Variants in PCDHGA4 observed in about 807,000 individuals in gnomAD.
PCDHGA4 encodes protocadherin gamma subfamily A, 4.
Under a neutral mutation model 54.6 loss-of-function variants are expected in PCDHGA4, and 38 were observed. The ratio of observed to expected loss-of-function variants is 0.70; its 90% CI spans 0.54 to 0.91. The LOEUF (loss-of-function observed/expected upper bound fraction) is 0.91. Ranked by LOEUF, PCDHGA4 falls within the 40% of genes least tolerant of loss-of-function variation. PCDHGA4 has a pLI of 0.00. For synonymous variants in PCDHGA4, 511 were observed against 512.9 expected (o/e 1.00, Z 0.05); for missense variants, 1,298 against 1,220.9 (o/e 1.06, Z -0.94).
chr5:141,468,131 C>G (rs1006565854), intron 1 of PCDHGA4, among the ~76,000 whole-genome samples: 1 of 151,766 alleles, frequency 6.6e-6, no homozygotes, highest in African/African-American at 2.4e-5. Flanking sequence ...TTGAGACCAG[C>G]CTGGCCAACA....
chr5:141,432,511 C>T lies in PCDHGA4; in HGVS notation c.2515-62296C>T. ...AGCTGGCTCCCCGCTCCGCAGAGCC[C>T]GGCTACCTGGTGACCAAGGTGGTGG... is the stretch of plus-strand genomic sequence containing the variant. On this transcript the variant is annotated intron_variant, in intron 1 of 3. Coordinates refer to ENST00000571252, the MANE Select transcript of PCDHGA4 (RefSeq NM_018917.4). This position sits in a 1 kb window ranked among gnomAD's most constrained non-coding sequence, Gnocchi z 6.0. 1 of 1,614,118 alleles carries T rather than the reference C, an allele frequency of 6.2e-7. No homozygotes were observed. The highest frequency in any genetic ancestry group is 8.5e-7 in the Non-Finnish European group (1 of 1,180,042).
At chr5:141,417,052 CTT>C (rs1308339867) in intron 1 of PCDHGA4, 2 of 151,464 alleles carry the variant, frequency 1.3e-5, no homozygotes, top group African/African-American at 4.9e-5. Context: ...AAAAACTGCT[CTT>C]GACATTGTAG....
intron 1 of PCDHGA4, chr5:141,418,083 T>C: frequency 6.2e-7 from 1 of 1,614,068 alleles, no homozygotes; most frequent in Non-Finnish European, 8.5e-7. Context: ...AAGCTGCACT[T>C]CAGCGTAGAC....
chr5:141,433,232 C>T (rs1344380820), intron 1 of PCDHGA4: 1 of 1,516,488 alleles, frequency 6.6e-7, no homozygotes, highest in Admixed American at 1.9e-5. Flanking sequence ...ATTGCTCTGT[C>T]TCCCAAGCTG....
chr5:141,380,372 C>A (rs73265858), intron 1 of PCDHGA4, among the ~76,000 whole-genome samples: 1 of 151,948 alleles, frequency 6.6e-6, no homozygotes. Context: ...AAAAAAAAGT[C>A]CCAAAAAAGA....
In PCDHGA4 at chr5:141,477,854, C is replaced by G; in HGVS notation, c.2515-16953C>G. 3.1e-6 allele frequency: 5 copies of G among 1,614,098 alleles called. No individual in the cohort carries two copies. Among genetic ancestry groups the G allele is most frequent in the Non-Finnish European group, 4.2e-6 (5 of 1,180,004 alleles). ...GCCAGGTGGGAGCTCGGTGGAGATG[C>G]TGCCTCGAGGTACCTCAGCTGGCCA... On this transcript the variant is annotated intron_variant, in intron 1 of 3. Transcript: ENST00000571252. This position sits in a 1 kb window ranked among gnomAD's most constrained non-coding sequence, Gnocchi z 4.9.
chr5:141,402,908 G>C (rs772824235), intron 1 of PCDHGA4: 1 of 1,545,226 alleles, frequency 6.5e-7, no homozygotes, highest in African/African-American at 1.4e-5. Flanking sequence ...TGATGAAGCA[G>C]CGCGCACAGA....
At chr5:141,364,203 C>G (rs1763215170) in intron 1 of PCDHGA4, 2 of 1,152,828 alleles carry the variant, frequency 1.7e-6, no homozygotes, top group Non-Finnish European at 1.2e-6. Flanking sequence ...ACAGACCAGA[C>G]AAGCTCCTAC....
chr5:141,381,901 C>T (rs1036292864), intron 1 of PCDHGA4, among the ~76,000 whole-genome samples: 24 of 130,248 alleles, frequency 1.8e-4, no homozygotes, highest in African/African-American at 6.8e-4. Flanking sequence ...GTGATCTCGG[C>T]TCACCACAAC....
In PCDHGA4 at chr5:141,355,284, C is replaced by G. The variant is rs548905369; in HGVS notation, c.177C>G (p.Ala59=). 6.2e-7 allele frequency: 1 copy of G among 1,613,732 alleles called. No homozygotes were observed. Among genetic ancestry groups the G allele is most frequent in the East Asian group, 2.2e-5 (1 of 44,874 alleles). Residue 59 remains alanine, a synonymous_variant, in exon 1 of 4, where the codon GCC becomes GCG. Transcript: ENST00000571252. ...TGGGGGTTCTGGTGGAAATCAGGGC[C>G]GAACAGATTCTCTACTCGGTGTTTG... ...LLLGVLVEIR[A]EQILYSVFEE...
intron 1 of PCDHGA4, chr5:141,371,732 C>T: frequency 1.9e-6 from 3 of 1,614,046 alleles, no homozygotes; most frequent in Non-Finnish European, 2.5e-6. Flanking sequence ...TTGATGTCAA[C>T]GACAACGTTC....
chr5:141,371,011 C>G, intron 1 of PCDHGA4: 4 of 1,613,966 alleles, frequency 2.5e-6, no homozygotes, highest in Non-Finnish European at 3.4e-6. Context: ...GAAGAGCAGC[C>G]ACATCACCAC....
chr5:141,494,784 C>T, intron 1 of PCDHGA4, 23 bp from the exon 2 acceptor site: 1 of 1,614,110 alleles, frequency 6.2e-7, no homozygotes, highest in Non-Finnish European at 8.5e-7. Flanking sequence ...TACTCAGCCC[C>T]TTTCCCTCTG....
At chr5:141,364,582 G>T (rs1379738059) in intron 1 of PCDHGA4, 1 of 1,614,088 alleles carries the variant, frequency 6.2e-7, no homozygotes, top group African/African-American at 1.3e-5. Flanking sequence ...GCGGCAGCTT[G>T]GTCACCGCGG....
intron 1 of PCDHGA4, chr5:141,374,675 G>A (rs1770710965): frequency 1.2e-6 from 2 of 1,610,644 alleles, no homozygotes; most frequent in South Asian, 1.1e-5. Flanking sequence ...GGTGCTGGAG[G>A]GCACACTGGA....
intron 1 of PCDHGA4, among the ~76,000 whole-genome samples, chr5:141,472,405 G>A (rs1207849470): frequency 6.6e-6 from 1 of 152,086 alleles, no homozygotes; most frequent in Non-Finnish European, 1.5e-5. Flanking sequence ...GCCAGGCGTG[G>A]TGGCACGCAC....
At chr5:141,508,718 G>T (rs2099871076) in intron 3 of PCDHGA4, among the ~76,000 whole-genome samples, 1 of 151,852 alleles carries the variant, frequency 6.6e-6, no homozygotes, top group Non-Finnish European at 1.5e-5. Flanking sequence ...TTTTCTGTGT[G>T]CAGGGAGACT....
At chr5:141,395,121 T>C (rs773964445) in intron 1 of PCDHGA4, 1 of 1,614,192 alleles carries the variant, frequency 6.2e-7, no homozygotes, top group East Asian at 2.2e-5. Flanking sequence ...TCACCTGATC[T>C]TTCCCCAGCC....
In PCDHGA4 at chr5:141,432,635, G is replaced by T. The variant is rs754354737; in HGVS notation, c.2515-62172G>T. 8.7e-6 allele frequency: 14 copies of T among 1,613,004 alleles called. No individual in the cohort carries two copies. The South Asian group carries it at 1.4e-4, about 16-fold the overall frequency. On this transcript the variant is annotated intron_variant, in intron 1 of 3. Transcript: ENST00000571252. This position sits in a 1 kb window ranked among gnomAD's most constrained non-coding sequence, Gnocchi z 6.0. ...CTCGGTGGGTCTGCACACGGGCGAGGTGCGCACGGCGCGAGCCCTGCTGGA... is the reference window on the plus strand; with the variant it reads ...CTCGGTGGGTCTGCACACGGGCGAGTTGCGCACGGCGCGAGCCCTGCTGGA...
Sources: gnomAD v4.1 joint callset for allele counts (sites outside exome capture counted in the v4.1 genomes callset) on GRCh38, gnomAD v4.1.1 for gene constraint, Gnocchi (gnomAD v3.1) non-coding constraint, MANE v1.5 for transcripts, NCBI Gene and HGNC (gene_info 2026-07-23, HGNC 2026-07-21) for gene names.